Variants in MPPED2 observed in about 807,000 individuals in gnomAD.
The protein encoded by MPPED2 is metallophosphoesterase domain containing 2.
Under a neutral mutation model 33.0 loss-of-function variants are expected in MPPED2, and 5 were observed. The ratio of observed to expected loss-of-function variants is 0.15; its 90% CI spans 0.08 to 0.32. The LOEUF (loss-of-function observed/expected upper bound fraction) is 0.32. MPPED2 is among the 10% of genes least tolerant of loss of function. MPPED2 has a pLI of 1.00. For synonymous variants in MPPED2, 136 were observed against 141.9 expected (o/e 0.96, Z 0.29); for missense variants, 275 against 372.1 (o/e 0.74, Z 2.15).
intron 4 of MPPED2, among the ~76,000 whole-genome samples, chr11:30,430,647 T>C (rs1949038506): frequency 6.6e-6 from 1 of 152,232 alleles, no homozygotes; most frequent in Admixed American, 6.5e-5. Context: ...ACAGAGTTGT[T>C]CACACAGTGT....
intron 4 of MPPED2, among the ~76,000 whole-genome samples, chr11:30,475,313 G>A (rs936783657): frequency 6.6e-6 from 1 of 152,040 alleles, no homozygotes; most frequent in Non-Finnish European, 1.5e-5. Flanking sequence ...TGTATGATAA[G>A]CTGTATCTAT....
chr11:30,523,041 T>C (rs953666379), intron 3 of MPPED2, among the ~76,000 whole-genome samples: 3 of 152,136 alleles, frequency 2.0e-5, no homozygotes, highest in Non-Finnish European at 4.4e-5. Context: ...AGTGAATAAA[T>C]TACCTCAGCT....
chr11:30,454,088 A>G (rs1426348809), intron 4 of MPPED2, among the ~76,000 whole-genome samples: 20 of 152,164 alleles, frequency 1.3e-4, no homozygotes. Flanking sequence ...GATTCATTTA[A>G]AAGGGAGGGG....
chr11:30,413,450 C>T (rs1948202038), intron 6 of MPPED2, among the ~76,000 whole-genome samples: 3 of 152,096 alleles, frequency 2.0e-5, no homozygotes, highest in Non-Finnish European at 4.4e-5. Context: ...GTCTCAAAGC[C>T]CAGTTACCCA....
intron 2 of MPPED2, among the ~76,000 whole-genome samples, chr11:30,572,608 A>T (rs1469758762): frequency 6.6e-6 from 1 of 152,190 alleles, no homozygotes; most frequent in Non-Finnish European, 1.5e-5. Flanking sequence ...GTGGCTTACC[A>T]AGAAAGAAGT....
chr11:30,442,213 A>G (rs1304079660), intron 4 of MPPED2, among the ~76,000 whole-genome samples: 1 of 152,238 alleles, frequency 6.6e-6, no homozygotes, highest in East Asian at 1.9e-4. Flanking sequence ...AAAAAGATAG[A>G]AGAGTGGTCT....
chr11:30,415,842 G>A (rs572521024), intron 5 of MPPED2, among the ~76,000 whole-genome samples: 1 of 152,156 alleles, frequency 6.6e-6, no homozygotes, highest in Non-Finnish European at 1.5e-5. Flanking sequence ...GTTCAAAGTT[G>A]TATTCCAAAT....
intron 4 of MPPED2, among the ~76,000 whole-genome samples, chr11:30,446,322 G>C (rs562458485): frequency 4.6e-5 from 7 of 152,266 alleles, no homozygotes; most frequent in South Asian, 4.1e-4. Context: ...TGAGCACCTA[G>C]CAAGTACCAA....
At chr11:30,458,964 C>T (rs917856509) in intron 4 of MPPED2, among the ~76,000 whole-genome samples, 1 of 110,046 alleles carries the variant, frequency 9.1e-6, no homozygotes, top group East Asian at 2.9e-4. Flanking sequence ...CTCGCTCTGT[C>T]GCCCAGGCTG....
At chr11:30,456,200 A>G (rs558219831) in intron 4 of MPPED2, among the ~76,000 whole-genome samples, 2 of 152,376 alleles carry the variant, frequency 1.3e-5, no homozygotes, top group East Asian at 3.9e-4. Flanking sequence ...GGAAAATTCA[A>G]CTGGAGAAGA....
At chr11:30,497,869 A>G (rs1398406895) in intron 3 of MPPED2, among the ~76,000 whole-genome samples, 1 of 152,178 alleles carries the variant, frequency 6.6e-6, no homozygotes, top group Non-Finnish European at 1.5e-5. Context: ...ACACATCACC[A>G]ACAAACTCAT....
At chr11:30,487,575 A>C (rs1175596847) in intron 4 of MPPED2, among the ~76,000 whole-genome samples, 2 of 151,994 alleles carry the variant, frequency 1.3e-5, no homozygotes, top group East Asian at 3.9e-4. Flanking sequence ...TCGACCTCCC[A>C]GACTCAGCAA....
At chr11:30,413,385 G>A (rs1948199645) in intron 6 of MPPED2, among the ~76,000 whole-genome samples, 1 of 152,210 alleles carries the variant, frequency 6.6e-6, no homozygotes, top group African/African-American at 2.4e-5. Flanking sequence ...GTGTAACTGG[G>A]AAAATCTGCT....
At chr11:30,559,572 T>C (rs1956145740) in intron 2 of MPPED2, among the ~76,000 whole-genome samples, 1 of 152,180 alleles carries the variant, frequency 6.6e-6, no homozygotes, top group Non-Finnish European at 1.5e-5. Context: ...GAATGAAATG[T>C]TTTTCCTAGA....
At chr11:30,573,482 G>C (rs1473822026) in intron 2 of MPPED2, among the ~76,000 whole-genome samples, 1 of 152,146 alleles carries the variant, frequency 6.6e-6, no homozygotes, top group Non-Finnish European at 1.5e-5. Flanking sequence ...GCCTCAGGCA[G>C]GTCCTTCAGG....
chr11:30,537,639 AAAGT>A (rs1590764926), intron 2 of MPPED2, among the ~76,000 whole-genome samples: 2 of 152,150 alleles, frequency 1.3e-5, no homozygotes, highest in Non-Finnish European at 2.9e-5. Context: ...TCGGAGAAGG[AAAGT>A]AAGAGGAGCA....
At chr11:30,464,262 G>T (rs1950616476) in intron 4 of MPPED2, among the ~76,000 whole-genome samples, 1 of 88,748 alleles carries the variant, frequency 1.1e-5, no homozygotes, top group Non-Finnish European at 2.0e-5. Flanking sequence ...ACCATGAAAG[G>T]ATACTAACAC....
In MPPED2 at chr11:30,473,102, A is replaced by G. The variant is rs1399188845; in HGVS notation, c.536+22194T>C. ...GCCACTGTTCCAAAAAAGTATCTTT[A>G]GCAGCTACATGGTATTCTATCGTAT... On this transcript the variant is annotated intron_variant, in intron 4 of 6. Transcript: ENST00000358117. Among the ~76,000 whole-genome samples, 3 of 152,180 alleles carry G rather than the reference A, an allele frequency of 2.0e-5. No homozygotes were observed. The South Asian group carries it at 6.2e-4, about 32-fold the overall frequency.
intron 3 of MPPED2, among the ~76,000 whole-genome samples, chr11:30,498,989 G>C (rs1263896521): frequency 6.6e-6 from 1 of 152,134 alleles, no homozygotes; most frequent in African/African-American, 2.4e-5. Context: ...ACTTAGTGGT[G>C]TCACATAAGT....
Sources: allele counts gnomAD v4.1 joint callset (sites outside exome capture counted in the v4.1 genomes callset), GRCh38; gene constraint gnomAD v4.1.1; transcripts MANE v1.5; gene names NCBI Gene and HGNC (gene_info 2026-07-23, HGNC 2026-07-21).